TMEM131: variants seen among roughly 807,000 people sequenced by gnomAD.
TMEM131 encodes 2610524E03Rik.
A neutral mutation model predicts 211.6 loss-of-function variants in TMEM131; 66 were observed. The ratio of observed to expected loss-of-function variants is 0.31; its 90% confidence interval spans 0.26 to 0.38. TMEM131 has a LOEUF of 0.38. Ranked by LOEUF, TMEM131 falls within the 10% of genes least tolerant of loss-of-function variation. The pLI is 1.00. For missense variants in TMEM131, 2,036 were observed against 2,299.3 expected (o/e 0.89, Z 2.34); for synonymous variants, 844 against 841.3 (o/e 1.00, Z -0.06).
intron 4 of TMEM131, among the ~76,000 whole-genome samples, chr2:97,870,775 C>T (rs995609843): frequency 1.3e-5 from 2 of 152,130 alleles, no homozygotes; most frequent in African/African-American, 4.8e-5. Flanking sequence ...GGCAGGAAGT[C>T]GGGTCAAATC....
chr2:97,904,589 T>G (rs181272115), intron 3 of TMEM131, among the ~76,000 whole-genome samples: 167 of 152,310 alleles, frequency 1.1e-3, no homozygotes, highest in Middle Eastern at 3.4e-3. Flanking sequence ...GTCTTGCTTT[T>G]TAAATATAAT....
intron 1 of TMEM131, among the ~76,000 whole-genome samples, chr2:97,990,174 AGCTTCGAATACCAAATATT>A (rs990190682): frequency 2.6e-5 from 4 of 152,256 alleles, no homozygotes; most frequent in African/African-American, 9.6e-5. Context: ...AAGAGACAGT[AGCTTCGAATACCAAATATT>A]CATTTCCCTG....
intron 31 of TMEM131, among the ~76,000 whole-genome samples, chr2:97,787,166 T>A (rs1680293292): frequency 1.3e-5 from 2 of 152,240 alleles, no homozygotes; most frequent in Non-Finnish European, 2.9e-5. Context: ...GTATGAATTA[T>A]CTATGTAAAA....
chr2:97,880,734 T>C (rs1335844630), intron 4 of TMEM131, among the ~76,000 whole-genome samples: 1 of 152,052 alleles, frequency 6.6e-6, no homozygotes, highest in Non-Finnish European at 1.5e-5. Flanking sequence ...ATTACAGGCA[T>C]ATGTCAAAGG....
Position 97,812,480 on chromosome 2 carries a change from T to A in TMEM131, c.1804A>T (p.Thr602Ser). 6.2e-7 allele frequency: 1 copy of A among 1,613,302 alleles called. No homozygotes were observed. Among genetic ancestry groups the A allele is most frequent in the East Asian group, 2.2e-5 (1 of 44,804 alleles). ...ELVAVERGNR[T>S]TIISSLPEFE... The stretch of plus-strand genomic sequence containing the variant: ...TCTGGCAGGCTTGAAATTATTGTAG[T>A]TCTATTGCCTCTTTCCACAGCTACA... The change falls in exon 17 of 41, where the codon ACT becomes TCT. Residue 602 changes from threonine to serine, a missense_variant. By Grantham distance (58) the Thr-to-Ser change is moderately conservative (BLOSUM62 1). Coordinates refer to ENST00000186436, the MANE Select transcript of TMEM131 (RefSeq NM_015348.2).
intron 31 of TMEM131, among the ~76,000 whole-genome samples, chr2:97,782,699 T>C (rs1680067100): frequency 6.6e-6 from 1 of 151,208 alleles, no homozygotes; most frequent in East Asian, 1.9e-4. Flanking sequence ...GTAACTGAAA[T>C]AAAAAGCTCA....
At chr2:97,830,121 T>C (rs1573427147) in intron 11 of TMEM131, among the ~76,000 whole-genome samples, 1 of 113,648 alleles carries the variant, frequency 8.8e-6, no homozygotes, top group Admixed American at 1.1e-4. Context: ...AATTCTTCAC[T>C]CATTATCAGT....
chr2:97,824,677 C>G (rs971834139), intron 11 of TMEM131, among the ~76,000 whole-genome samples: 6 of 152,178 alleles, frequency 3.9e-5, no homozygotes, highest in African/African-American at 1.4e-4. Flanking sequence ...ATTGGAAGGA[C>G]AATTTGGAAG....
intron 1 of TMEM131, among the ~76,000 whole-genome samples, chr2:97,994,691 G>T (rs1314907582): frequency 6.6e-6 from 1 of 151,664 alleles, no homozygotes; most frequent in Non-Finnish European, 1.5e-5. Flanking sequence ...TAGTGTAGAT[G>T]AAATTACACT....
chr2:97,836,228 A>G (rs183942831), intron 8 of TMEM131, among the ~76,000 whole-genome samples: 147 of 152,362 alleles, frequency 9.6e-4, no homozygotes, highest in Admixed American at 2.2e-3. Flanking sequence ...AGATGTTCAT[A>G]TTAACATTCT....
chr2:97,943,556 T>C (rs773001913), intron 1 of TMEM131, among the ~76,000 whole-genome samples: 22 of 152,204 alleles, frequency 1.4e-4, no homozygotes, highest in Non-Finnish European at 2.4e-4. Flanking sequence ...ATTCATAAGC[T>C]AGAATACTTA....
rs1681534172 is a variant in TMEM131 at position 97,811,222 on chromosome 2, G to A, written c.1874C>T (p.Ala625Val). 6.2e-7 allele frequency: 1 copy of A among 1,612,874 alleles called. No individual in the cohort carries two copies. The highest frequency in any genetic ancestry group is 8.5e-7 in the Non-Finnish European group (1 of 1,179,012). Residue 625 changes from alanine (A) to valine (V), a missense_variant, in exon 18 of 41, where the codon GCT becomes GTT. Physicochemically the swap from Ala to Val is moderately conservative, Grantham distance 64 (BLOSUM62 0). Transcript: ENST00000186436. ...SLSDQSSVTLASGYFAVFRVK... is the reference protein window; with the variant it reads ...SLSDQSSVTLVSGYFAVFRVK... Reference sequence around the variant, plus strand: ...TCTGAAGACTGCAAAATAGCCTGAAGCTAATGTTACCTGTAGATAGTAGAA... The same window carrying A: ...TCTGAAGACTGCAAAATAGCCTGAAACTAATGTTACCTGTAGATAGTAGAA...
Position 97,809,753 on chromosome 2 carries a change from C to G in TMEM131, c.1990G>C (p.Ala664Pro). Residue 664 changes from alanine to proline, a missense_variant, in exon 19 of 41, where the codon GCT becomes CCT. Ala to Pro is a conservative substitution (Grantham distance 27, BLOSUM62 -1). Coordinates refer to ENST00000186436, the MANE Select transcript of TMEM131 (RefSeq NM_015348.2). ...GTCAGTGAGCCTACTGCAATCACAG[C>G]CTTCACAGGGATTGTCAGGATCTGT... ...DYEILTIPVK[A>P]VIAVGSLTCF... The G allele has an allele frequency of 6.2e-7, 1 of 1,606,458 alleles. No individual in the cohort carries two copies. Among genetic ancestry groups the G allele is most frequent in the Non-Finnish European group, 8.5e-7 (1 of 1,176,410 alleles).
chr2:97,991,525 A>G (rs540635614), intron 1 of TMEM131, among the ~76,000 whole-genome samples: 6 of 152,354 alleles, frequency 3.9e-5, no homozygotes, highest in African/African-American at 7.2e-5. Flanking sequence ...GTGGCGCAAG[A>G]TAATTCTGCC....
intron 11 of TMEM131, among the ~76,000 whole-genome samples, chr2:97,827,952 T>C (rs1286465153): frequency 6.6e-6 from 1 of 152,242 alleles, no homozygotes; most frequent in Non-Finnish European, 1.5e-5. Flanking sequence ...TGTTGTTTTT[T>C]AGTAGAATTG....
At chr2:97,822,241 T>G (rs1362153803) in intron 11 of TMEM131, among the ~76,000 whole-genome samples, 1 of 152,116 alleles carries the variant, frequency 6.6e-6, no homozygotes, top group African/African-American at 2.4e-5. Flanking sequence ...AAGACATAAT[T>G]TTTGCCCAAA....
At chr2:97,888,916 C>G (rs1033751451) in intron 3 of TMEM131, among the ~76,000 whole-genome samples, 1 of 152,078 alleles carries the variant, frequency 6.6e-6, no homozygotes, top group Non-Finnish European at 1.5e-5. Flanking sequence ...CAGAGCAAAA[C>G]CCATTTTGTG....
chr2:97,863,381 CA>C (rs1234135735), intron 4 of TMEM131, among the ~76,000 whole-genome samples: 1 of 152,022 alleles, frequency 6.6e-6, no homozygotes, highest in Admixed American at 6.6e-5. Context: ...GTAACCAAAG[CA>C]AAAATGGACA....
intron 1 of TMEM131, among the ~76,000 whole-genome samples, chr2:97,952,157 C>CAA (rs1321665891): frequency 3.5e-4 from 37 of 104,798 alleles, no homozygotes; most frequent in African/African-American, 1.1e-3. Context: ...ACTCCATCTC[C>CAA]AAAAAAAAAA....
Sources: gnomAD v4.1 joint callset for allele counts (sites outside exome capture counted in the v4.1 genomes callset) on GRCh38, gnomAD v4.1.1 for gene constraint, MANE v1.5 for transcripts, NCBI Gene and HGNC (gene_info 2026-07-23, HGNC 2026-07-21) for gene names.